The following ZNF641 variants were observed in gnomAD, a reference collection of about 807,000 sequenced individuals.
ZNF641 encodes the protein zinc finger protein 641.
ZNF641 carries 26 observed loss-of-function variants against 46.2 expected under a neutral mutation model. The ratio of observed to expected loss-of-function variants is 0.56; its 90% CI spans 0.41 to 0.78. The LOEUF is 0.78. Among genes scored for constraint, ZNF641 ranks in the 30% least tolerant of loss-of-function variants. The pLI is 0.00. For missense variants in ZNF641, 469 were observed against 517.8 expected (o/e 0.91, Z 0.91); for synonymous variants, 163 against 187.9 (o/e 0.87, Z 1.09).
chr12:48,347,434 C>T (rs1422863996), intron 2 of ZNF641, 91 bp from the exon 3 acceptor site: 5 of 1,167,002 alleles, frequency 4.3e-6, no homozygotes, highest in Non-Finnish European at 5.9e-6. Flanking sequence ...TTAAGGGTCA[C>T]AACTTCTGTA....
chr12:48,344,533 C>A, intron 5 of ZNF641, 66 bp downstream of exon 5: 2 of 1,085,448 alleles, frequency 1.8e-6, no homozygotes, highest in South Asian at 1.4e-5. Context: ...AGGGATTAAA[C>A]GAACATGGAA....
intron 3 of ZNF641, among the ~76,000 whole-genome samples, chr12:48,345,723 G>A (rs1432842701): frequency 6.6e-6 from 1 of 152,148 alleles, no homozygotes; most frequent in Non-Finnish European, 1.5e-5. Context: ...ATGAGAAGCT[G>A]GAGGCACCAT....
Position 48,345,472 on chromosome 12 carries a change from G to T in ZNF641, c.279C>A (p.Gly93=). Residue 93 remains glycine, a splice_region_variant and synonymous_variant, in exon 4 of 6, where the codon GGC becomes GGA. Transcript: ENST00000547026. ...AAALLAAGSQ[G]LVTIKDVSLC... is the part of the protein sequence containing the mutation. The stretch of plus-strand genomic sequence containing the variant: ...GTGACACATCCTTGATGGTTACCAG[G>T]CCCTGAAACAAAATGTAGCATCTTC... 6.2e-7 allele frequency: 1 copy of T among 1,614,076 alleles called. No homozygotes were observed. Among genetic ancestry groups the T allele is most frequent in the Non-Finnish European group, 8.5e-7 (1 of 1,179,974 alleles).
rs1952726677 is a variant in ZNF641 at position 48,341,906 on chromosome 12, T to C, written c.*1067A>G. 5 of 985,338 alleles carry C rather than the reference T, an allele frequency of 5.1e-6. No homozygotes were observed. The South Asian group carries it at 2.3e-4, about 46-fold the overall frequency. 61.0% of individuals were successfully genotyped at this position (985,338 alleles called of 1,614,324 possible). ...CCTGTCATTTAACCCTTTCCACTAGTTCTCCCTTAACCAGACTGCTTCCTG... is the reference window on the plus strand; with the variant it reads ...CCTGTCATTTAACCCTTTCCACTAGCTCTCCCTTAACCAGACTGCTTCCTG... On this transcript the variant is annotated 3_prime_UTR_variant, in exon 6 of 6. Transcript: ENST00000547026.
Position 48,341,535 on chromosome 12 carries a change from A to G in ZNF641, c.*1438T>C. On this transcript the variant is annotated 3_prime_UTR_variant, in exon 6 of 6. Transcript: ENST00000547026. ...ATTACCCTGCAGCAGCTGAAAAGCT[A>G]AGCCACAGCCATTTTCCCTAAAGTT... The G allele has an allele frequency of 1.0e-6, 1 of 985,480 alleles. No individual in the cohort carries two copies. Among genetic ancestry groups the G allele is most frequent in the Non-Finnish European group, 1.2e-6 (1 of 829,942 alleles). The allele number at this position is 985,480 out of a possible 1,614,324, so 61.0% of individuals were successfully genotyped here. A position where few individuals can be genotyped will look rare whatever the true frequency, so the allele number is the denominator to read the frequency against.
chr12:48,341,306 T>A lies in ZNF641; in HGVS notation c.*1667A>T. Reference sequence around the variant, plus strand: ...TTAAAGAGAAAATATCCCACTTTGCTCCTCTTCCTCCCTAACCCCGAACTG... The same window carrying A: ...TTAAAGAGAAAATATCCCACTTTGCACCTCTTCCTCCCTAACCCCGAACTG... On this transcript the variant is annotated 3_prime_UTR_variant, in exon 6 of 6. Coordinates refer to ENST00000547026, the MANE Select transcript of ZNF641 (RefSeq NM_001172681.2). 1 of 985,406 alleles carries A rather than the reference T, an allele frequency of 1.0e-6. No homozygotes were observed. The highest frequency in any genetic ancestry group is 1.2e-6 in the Non-Finnish European group (1 of 829,930). 61.0% of individuals were successfully genotyped at this position (985,406 alleles called of 1,614,324 possible). A position where few individuals can be genotyped will look rare whatever the true frequency, so the allele number is the denominator to read the frequency against.
At chr12:48,350,167 T>G in intron 1 of ZNF641, 2 of 1,585,902 alleles carry the variant, frequency 1.3e-6, no homozygotes, top group Non-Finnish European at 8.6e-7. Flanking sequence ...GCAGTGTGGG[T>G]TCTAGGGCTT....
chr12:48,335,244 T>C (rs1259389060), downstream of ZNF641, among the ~76,000 whole-genome samples: 3 of 152,232 alleles, frequency 2.0e-5, no homozygotes, highest in Non-Finnish European at 4.4e-5. Context: ...TGTTGCTTAG[T>C]AAATTCTACT....
chr12:48,344,871 A>G, intron 4 of ZNF641, 159 bp from the exon 5 acceptor site: 1 of 573,532 alleles, frequency 1.7e-6, no homozygotes, highest in Non-Finnish European at 3.1e-6. Context: ...TCCCCCACCC[A>G]TTTCTGTTAA....
Position 48,340,054 on chromosome 12 carries a change from G to A in ZNF641, c.*2919C>T, listed in dbSNP as rs1952683570. 1 of 985,312 alleles carries A rather than the reference G, an allele frequency of 1.0e-6. No homozygotes were observed. Among genetic ancestry groups the A allele is most frequent in the South Asian group, 4.7e-5 (1 of 21,288 alleles). The allele number at this position is 985,312 out of a possible 1,614,324, so 61.0% of individuals were successfully genotyped here. On this transcript the variant is annotated 3_prime_UTR_variant, in exon 6 of 6. Transcript: ENST00000547026. ...AACACAGAGATTCTTTTTATTTAAA[G>A]GGGACGGGGTGAAACATGAACATTT...
downstream of ZNF641, among the ~76,000 whole-genome samples, chr12:48,336,909 T>C (rs1172798726): frequency 1.3e-5 from 2 of 152,172 alleles, no homozygotes; most frequent in Non-Finnish European, 2.9e-5. Flanking sequence ...AAGTGCTCCC[T>C]GGGAGCAGAC....
chr12:48,345,060 G>A (rs1952830585), intron 4 of ZNF641, among the ~76,000 whole-genome samples: 1 of 152,008 alleles, frequency 6.6e-6, no homozygotes, highest in Non-Finnish European at 1.5e-5. Flanking sequence ...CAAGGACCCA[G>A]TTCCAGTTCT....
Position 48,342,958 on chromosome 12 carries a change from T to C in ZNF641, c.*15A>G, listed in dbSNP as rs1035619011. ...CGGCTGATAGACTTGACCATAGCTG[T>C]AGTGGAAACAGATTTCAAAAGACAG... is the stretch of plus-strand genomic sequence containing the variant. On this transcript the variant is annotated 3_prime_UTR_variant, in exon 6 of 6. Transcript: ENST00000547026. The C allele has an allele frequency of 4.4e-6, 7 of 1,594,962 alleles. No homozygotes were observed. Among genetic ancestry groups the C allele is most frequent in the African/African-American group, 4.0e-5 (3 of 74,702 alleles).
downstream of ZNF641, among the ~76,000 whole-genome samples, chr12:48,336,802 C>G (rs115663718): frequency 1.6e-3 from 240 of 152,344 alleles, 3 homozygotes; most frequent in African/African-American, 5.4e-3. Flanking sequence ...TCTTCAAGAG[C>G]AGGGTCAGCC....
chr12:48,348,700 C>A (rs756850440), intron 1 of ZNF641, among the ~76,000 whole-genome samples: 2 of 152,210 alleles, frequency 1.3e-5, no homozygotes, highest in Non-Finnish European at 2.9e-5. Flanking sequence ...GTCTACCATC[C>A]AATGAAAACT....
Position 48,350,770 on chromosome 12 carries a change from G to A in ZNF641, c.-26+16C>T, listed in dbSNP as rs1953012749. 2 of 965,670 alleles carry A rather than the reference G, an allele frequency of 2.1e-6. No homozygotes were observed. The highest frequency in any genetic ancestry group is 1.2e-6 in the Non-Finnish European group (1 of 811,958). The allele number at this position is 965,670 out of a possible 1,614,324, so 59.8% of individuals were successfully genotyped here. On this transcript the variant is annotated intron_variant, in intron 1 of 5. Coordinates refer to ENST00000547026, the MANE Select transcript of ZNF641 (RefSeq NM_001172681.2). ...CTCCCTCCAGCCGCAGCTCCCTCCG[G>A]CCCGGCTCCACTCACCCCCGGTAGG...
Position 48,342,844 on chromosome 12 carries a change from T to C in ZNF641, c.*129A>G. On this transcript the variant is annotated 3_prime_UTR_variant, in exon 6 of 6. Transcript: ENST00000547026. Reference sequence around the variant, plus strand: ...AAATGCTCTGGCCATTGCTGGGACCTCATCTTTCTAGGGATGGGGTCAGGG... The same window carrying C: ...AAATGCTCTGGCCATTGCTGGGACCCCATCTTTCTAGGGATGGGGTCAGGG... 6.9e-7 allele frequency: 1 copy of C among 1,452,396 alleles called. No individual in the cohort carries two copies. The highest frequency in any genetic ancestry group is 9.0e-7 in the Non-Finnish European group (1 of 1,108,342). 90.0% of individuals were successfully genotyped at this position (1,452,396 alleles called of 1,614,324 possible).
chr12:48,340,793 A>G lies in ZNF641; in HGVS notation c.*2180T>C. 1 of 985,410 alleles carries G rather than the reference A, an allele frequency of 1.0e-6. No individual in the cohort carries two copies. Among genetic ancestry groups the G allele is most frequent in the South Asian group, 4.7e-5 (1 of 21,294 alleles). The allele number at this position is 985,410 out of a possible 1,614,324, so 61.0% of individuals were successfully genotyped here. A position where few individuals can be genotyped will look rare whatever the true frequency, so the allele number is the denominator to read the frequency against. ...AGGTTCTGAACCATTGCTTATGCAG[A>G]GCTTTTAGTATTAAAGAGGGAGAGT... On this transcript the variant is annotated 3_prime_UTR_variant, in exon 6 of 6. Coordinates refer to ENST00000547026, the MANE Select transcript of ZNF641 (RefSeq NM_001172681.2).
rs766940354 is a variant in ZNF641 at position 48,342,947 on chromosome 12, G to C, written c.*26C>G. The C allele has an allele frequency of 6.3e-6, 10 of 1,581,566 alleles. No homozygotes were observed. The African/African-American group carries it at 1.3e-4, about 21-fold the overall frequency. ...CCTGGTAGCACCGGCTGATAGACTT[G>C]ACCATAGCTGTAGTGGAAACAGATT... is the stretch of plus-strand genomic sequence containing the variant. On this transcript the variant is annotated 3_prime_UTR_variant, in exon 6 of 6. Transcript: ENST00000547026.
Sources: gnomAD v4.1 joint callset for allele counts (sites outside exome capture counted in the v4.1 genomes callset) on GRCh38, gnomAD v4.1.1 for gene constraint, MANE v1.5 for transcripts, NCBI Gene and HGNC (gene_info 2026-07-23, HGNC 2026-07-21) for gene names.